Variants in GRHPR observed in about 807,000 individuals in gnomAD.
GRHPR encodes the protein glyoxylate and hydroxypyruvate reductase, also known as glyoxylate reductase/hydroxypyruvate reductase.
In GRHPR, 35 loss-of-function variants were observed where a neutral mutation model predicts 36.8. The ratio of observed to expected loss-of-function variants is 0.95; its 90% CI spans 0.73 to 1.26. The LOEUF (loss-of-function observed/expected upper bound fraction) is 1.26. Ranked by LOEUF, GRHPR falls within the 50% of genes most tolerant of loss-of-function variation. GRHPR has a pLI of 0.00. For missense variants in GRHPR, 380 were observed against 435.0 expected, an observed-to-expected ratio of 0.87 and a Z score of 1.12; for synonymous variants, 179 against 181.0, an observed-to-expected ratio of 0.99 and a Z score of 0.09.
In GRHPR at chr9:37,429,770, C is replaced by T; in HGVS notation, c.532C>T (p.Gln178Ter). The stretch of plus-strand genomic sequence containing the variant: ...TCGGCGTCTGAAACCATTCGGTGTC[C>T]AGAGATTTCTGTACACAGGGCGCCA... Reference protein sequence around the residue: ...IARRLKPFGVQRFLYTGRQPR... With the variant: ...IARRLKPFGV Residue 178 changes from glutamine (Q) to a stop codon, truncating the protein, a stop_gained, in exon 6 of 9, where the codon CAG (glutamine) becomes TAG (stop). Transcript: ENST00000318158. LOFTEE classifies it high-confidence loss of function. 1.2e-6 allele frequency: 2 copies of T among 1,613,794 alleles called. No individual in the cohort carries two copies. Among genetic ancestry groups the T allele is most frequent in the Non-Finnish European group, 1.7e-6 (2 of 1,179,602 alleles).
Position 37,436,778 on chromosome 9 carries a change from T to C in GRHPR, c.983T>C (p.Leu328Pro), listed in dbSNP as rs1823684573. The change falls in exon 9 of 9, where the codon CTG becomes CCG. Residue 328 changes from leucine (L) to proline (P), a missense_variant. Leu to Pro is a moderately conservative substitution (Grantham distance 98, BLOSUM62 -3). Coordinates refer to ENST00000318158, the MANE Select transcript of GRHPR (RefSeq NM_012203.2). The part of the protein sequence containing the change: ...RGEPMPSELK[L>P] ...GAGCCGATGCCTAGTGAACTCAAGC[T>C]GTAGCCAAACAGTAGAGATGGAGGG... The C allele has an allele frequency of 6.2e-7, 1 of 1,614,012 alleles. No individual in the cohort carries two copies.
At chr9:37,435,300 A>G (rs1221976780) in intron 8 of GRHPR, among the ~76,000 whole-genome samples, 2 of 152,074 alleles carry the variant, frequency 1.3e-5, no homozygotes, top group African/African-American at 4.8e-5. Context: ...AAATTTCTCC[A>G]AACCTATCCT....
At chr9:37,430,714 T>C (rs1014440958) in intron 7 of GRHPR, 68 bp downstream of exon 7, 4 of 1,480,386 alleles carry the variant, frequency 2.7e-6, no homozygotes, top group Non-Finnish European at 3.8e-6. Flanking sequence ...ATCTGGAGAT[T>C]TTCTTCCCCG....
chr9:37,434,246 C>T (rs1187845454), intron 8 of GRHPR: 23 of 411,256 alleles, frequency 5.6e-5, no homozygotes, highest in Non-Finnish European at 9.9e-5. Flanking sequence ...CAGCTCCAAG[C>T]AACACAGCTG....
rs1440233687 is a variant in GRHPR, at chr9:37,424,933, C to T, written c.172C>T (p.Leu58Phe). Residue 58 changes from leucine to phenylalanine, a missense_variant, in exon 2 of 9, where the codon CTC (leucine) becomes TTC (phenylalanine). By Grantham distance (22) the Leu-to-Phe change is conservative. Transcript: ENST00000318158. ...GGCGGGGGCCCACGGCCTGCTCTGC[C>T]TCCTCTCCGACCACGTGGACAAGAG... is the stretch of plus-strand genomic sequence containing the variant. ...GVAGAHGLLC[L>F]LSDHVDKRIL... is the part of the protein sequence containing the mutation. 1 of 1,612,708 alleles carries T rather than the reference C, an allele frequency of 6.2e-7. No homozygotes were observed. Among genetic ancestry groups the T allele is most frequent in the Non-Finnish European group, 8.5e-7 (1 of 1,179,886 alleles).
At chr9:37,429,576 G>A in intron 5 of GRHPR, 156 bp from the exon 6 acceptor site, 1 of 722,746 alleles carries the variant, frequency 1.4e-6, no homozygotes, top group Non-Finnish European at 2.5e-6. Context: ...CAGTGGGGCA[G>A]CCAGCCCCCC....
At chr9:37,431,596 T>TG in intron 7 of GRHPR, 1 of 262,612 alleles carries the variant, frequency 3.8e-6, no homozygotes, top group Non-Finnish European at 7.5e-6. Flanking sequence ...TGCTTCTCAG[T>TG]GGGGGTCTGG....
At chr9:37,423,660 G>C (rs142613694) in intron 1 of GRHPR, among the ~76,000 whole-genome samples, 1 of 151,730 alleles carries the variant, frequency 6.6e-6, no homozygotes, top group African/African-American at 2.4e-5. Flanking sequence ...TTTTTTCAAA[G>C]ACGAGGGTCT....
intron 5 of GRHPR, 69 bp downstream of exon 5, chr9:37,428,641 T>C (rs1229986486): frequency 9.7e-7 from 1 of 1,026,568 alleles, no homozygotes; most frequent in East Asian, 2.4e-5. Context: ...TGGCACCACG[T>C]GTCTGAAGGC....
At position 37,436,787 on chromosome 9, in the gene GRHPR, A is replaced by G; in HGVS notation, c.*5A>G. 6.2e-7 allele frequency: 1 copy of G among 1,613,978 alleles called. No individual in the cohort carries two copies. The highest frequency in any genetic ancestry group is 8.5e-7 in the Non-Finnish European group (1 of 1,179,914). ...CCTAGTGAACTCAAGCTGTAGCCAA[A>G]CAGTAGAGATGGAGGGCCGGGAAGC... On this transcript the variant is annotated 3_prime_UTR_variant, in exon 9 of 9. Transcript: ENST00000318158.
chr9:37,435,050 G>A (rs114101354), intron 8 of GRHPR, among the ~76,000 whole-genome samples: 145 of 152,330 alleles, frequency 9.5e-4, no homozygotes, highest in African/African-American at 3.1e-3. Context: ...CCAAGAGTTC[G>A]AATCTAGCCT....
At chr9:37,431,060 T>C (rs1823342952) in intron 7 of GRHPR, 2 of 472,742 alleles carry the variant, frequency 4.2e-6, no homozygotes, top group African/African-American at 2.0e-5. Context: ...TTGAACCTTA[T>C]GCTCCTGGGC....
rs747097881 is a variant in GRHPR at position 37,428,467 on chromosome 9, CCT to C, written c.405-9_405-8del. On this transcript the variant is annotated splice_polypyrimidine_tract_variant and intron_variant, in intron 4 of 8. Transcript: ENST00000318158. ...TCCAAGGCTGGGCCTCTCACCTGCC[CCT>C]CTCTCTCCCCTCAGTGGTGGCTGGA... 50 of 1,560,874 alleles carry C rather than the reference CCT, an allele frequency of 3.2e-5. No homozygotes were observed. Among genetic ancestry groups the C allele is most frequent in the East Asian group, 1.1e-4 (5 of 44,678 alleles).
chr9:37,437,156 T>G (rs557807160), downstream of GRHPR, among the ~76,000 whole-genome samples: 1 of 152,074 alleles, frequency 6.6e-6, no homozygotes, highest in Admixed American at 6.5e-5. Flanking sequence ...GCCACTACAC[T>G]TAACCTGGGC....
At chr9:37,434,028 C>G in intron 8 of GRHPR, 1 of 366,192 alleles carries the variant, frequency 2.7e-6, no homozygotes. Flanking sequence ...GAAAACTGCC[C>G]TCCCACCCCC....
intron 1 of GRHPR, 119 bp downstream of exon 1, chr9:37,422,952 G>T: frequency 1.4e-6 from 1 of 712,438 alleles, no homozygotes; most frequent in South Asian, 1.8e-5. Flanking sequence ...GGGAGTCTCG[G>T]AGAAAGTTCT....
chr9:37,439,032 A>G (rs1007106546), downstream of GRHPR: 2 of 152,232 alleles, frequency 1.3e-5, no homozygotes, highest in Admixed American at 6.5e-5. Context: ...AAACTGAATA[A>G]TTTATCTGAT....
chr9:37,430,100 C>A, intron 6 of GRHPR: 1 of 553,306 alleles, frequency 1.8e-6, no homozygotes, highest in South Asian at 2.0e-5. Flanking sequence ...CCATTGTGGG[C>A]GGAGCAGCGG....
intron 2 of GRHPR, among the ~76,000 whole-genome samples, chr9:37,425,495 G>T (rs962656681): frequency 6.6e-6 from 1 of 152,248 alleles, no homozygotes; most frequent in Non-Finnish European, 1.5e-5. Flanking sequence ...GTGCTGAGCC[G>T]CCCCACATCC....
Sources: gnomAD v4.1 joint callset for allele counts (sites outside exome capture counted in the v4.1 genomes callset) on GRCh38, gnomAD v4.1.1 for gene constraint, MANE v1.5 for transcripts, NCBI Gene and HGNC (gene_info 2026-07-23, HGNC 2026-07-21) for gene names.